QSOX1: variants seen among roughly 807,000 people sequenced by gnomAD.
The protein encoded by QSOX1 is quiescin sulfhydryl oxidase 1, also known as sulfhydryl oxidase 1.
In QSOX1, 40 loss-of-function variants were observed where a neutral mutation model predicts 76.1. The observed-to-expected ratio is 0.53, with a 90% CI of 0.41 to 0.68. The LOEUF (loss-of-function observed/expected upper bound fraction) is 0.68. QSOX1 is among the 30% of genes least tolerant of loss of function. The pLI is 0.00. For missense variants in QSOX1, 931 were observed against 974.3 expected (o/e 0.96, Z 0.59); for synonymous variants, 392 against 413.1 (o/e 0.95, Z 0.62).
chr1:180,175,489 C>T (rs1662867320), intron 3 of QSOX1, 123 bp downstream of exon 3: 3 of 1,018,400 alleles, frequency 2.9e-6, no homozygotes, highest in African/African-American at 1.6e-5. Flanking sequence ...AGGCGGTCCC[C>T]ACGGGAAGCC....
rs556418384 is a variant in QSOX1 at position 180,197,539 on chromosome 1, C to T, written c.*502C>T. On this transcript the variant is annotated 3_prime_UTR_variant, in exon 12 of 12. Transcript: ENST00000367602. ...TGCACCCTGGGAGGAAGGACCACCC[C>T]GGGCCCTCTATGCCTGGCCAGCCTC... 8.8e-5 allele frequency: 69 copies of T among 787,752 alleles called. 1 individual carries two copies. Among genetic ancestry groups the T allele is most frequent in the Admixed American group, 1.1e-4 (4 of 36,668 alleles). 48.8% of individuals were successfully genotyped at this position (787,752 alleles called of 1,614,324 possible).
rs187451486 is a variant in QSOX1 at position 180,188,621 on chromosome 1, C to T, written c.1018-931C>T. Among the ~76,000 whole-genome samples the T allele has an allele frequency of 2.6e-5, 4 of 152,332 alleles. No homozygotes were observed. In the East Asian group the frequency reaches 7.7e-4, roughly 29 times the overall value. ...TCTCACTCTGGGGGAAGGTGTCCAGCCCAACGTTTGATAGGAATATTTAAT... is the reference window on the plus strand; with the variant it reads ...TCTCACTCTGGGGGAAGGTGTCCAGTCCAACGTTTGATAGGAATATTTAAT... On this transcript the variant is annotated intron_variant, in intron 8 of 11. Coordinates refer to ENST00000367602, the MANE Select transcript of QSOX1 (RefSeq NM_002826.5).
At position 180,188,868 on chromosome 1, in the gene QSOX1, A is replaced by G. The variant is rs1663237820; in HGVS notation, c.1018-684A>G. ...CGCCCCTTGTGCTGTGCACGTGCAC[A>G]CACGCACACACACACACATACACAC... On this transcript the variant is annotated intron_variant, in intron 8 of 11. Coordinates refer to ENST00000367602, the MANE Select transcript of QSOX1 (RefSeq NM_002826.5). Among the ~76,000 whole-genome samples, 4 of 152,334 alleles carry G rather than the reference A, an allele frequency of 2.6e-5. No homozygotes were observed. The South Asian group carries it at 8.3e-4, about 32-fold the overall frequency.
intron 1 of QSOX1, among the ~76,000 whole-genome samples, chr1:180,162,107 A>G (rs1257710026): frequency 6.6e-6 from 1 of 152,234 alleles, no homozygotes; most frequent in African/African-American, 2.4e-5. Context: ...TGCTGTGCAT[A>G]CAACATTTTA....
At position 180,189,576 on chromosome 1, in the gene QSOX1, C is replaced by A. The variant is rs765745199; in HGVS notation, c.1042C>A (p.Gln348Lys). ...GTATTTCCCTGGCCGGCCCTTAGTC[C>A]AGAACTTCCTGCACTCCGTGAATGA... is the stretch of plus-strand genomic sequence containing the variant. Reference protein sequence around the residue: ...AKYFPGRPLVQNFLHSVNEWL... With the variant: ...AKYFPGRPLVKNFLHSVNEWL... Residue 348 changes from glutamine (Q) to lysine (K), a missense_variant, in exon 9 of 12, where the codon CAG (glutamine) becomes AAG (lysine). Transcript: ENST00000367602. 8.1e-6 allele frequency: 13 copies of A among 1,613,106 alleles called. No individual in the cohort carries two copies. The African/African-American group carries it at 1.7e-4, about 22-fold the overall frequency.
chr1:180,187,125 G>A (rs1240104282), intron 8 of QSOX1, among the ~76,000 whole-genome samples: 2 of 152,096 alleles, frequency 1.3e-5, no homozygotes, highest in Non-Finnish European at 2.9e-5. Flanking sequence ...CCTCTCCTTG[G>A]GAACTTCCTG....
At chr1:180,176,286 C>T (rs914999720) in intron 4 of QSOX1, among the ~76,000 whole-genome samples, 6 of 152,166 alleles carry the variant, frequency 3.9e-5, no homozygotes, top group African/African-American at 1.4e-4. Context: ...GTGCAAGGGT[C>T]CATCCCACCA....
intron 9 of QSOX1, 29 bp from the exon 10 acceptor site, chr1:180,190,404 A>G: frequency 6.2e-7 from 1 of 1,601,096 alleles, no homozygotes; most frequent in African/African-American, 1.3e-5. Context: ...CCTTCTCCAT[A>G]TGTGCACTCA....
At chr1:180,178,508 G>C (rs776161839) in intron 4 of QSOX1, among the ~76,000 whole-genome samples, 1 of 152,254 alleles carries the variant, frequency 6.6e-6, no homozygotes. Context: ...GATTACAGGC[G>C]TGAGCCACCG....
chr1:180,166,347 C>G (rs995418279), intron 1 of QSOX1, 144 bp from the exon 2 acceptor site: 2 of 642,370 alleles, frequency 3.1e-6, no homozygotes, highest in Non-Finnish European at 5.5e-6. Context: ...GGTCCTTTTC[C>G]AAGGAAGGTG....
chr1:180,193,425 G>T (rs938307461), intron 10 of QSOX1, among the ~76,000 whole-genome samples: 2 of 151,752 alleles, frequency 1.3e-5, no homozygotes, highest in African/African-American at 4.8e-5. Context: ...GTCTCACCTT[G>T]CCAGGAGTGA....
At chr1:180,188,906 C>A (rs1451443834) in intron 8 of QSOX1, among the ~76,000 whole-genome samples, 6 of 152,256 alleles carry the variant, frequency 3.9e-5, no homozygotes, top group Non-Finnish European at 7.3e-5. Flanking sequence ...ATGTCCTCCT[C>A]CCTGGAGTCC....
At position 180,198,357 on chromosome 1, in the gene QSOX1, T is replaced by C. The variant is rs1663558355; in HGVS notation, c.*1320T>C. 2.2e-6 allele frequency: 1 copy of C among 456,698 alleles called. No individual in the cohort carries two copies. Among genetic ancestry groups the C allele is most frequent in the South Asian group, 1.5e-5 (1 of 64,566 alleles). The allele number at this position is 456,698 out of a possible 1,614,324, so 28.3% of individuals were successfully genotyped here. ...GCTCCTCCAGGAAGCAAGGGCTTGTTTGTCAGAGCTGCAGGGTTGGCCACT... is the reference window on the plus strand; with the variant it reads ...GCTCCTCCAGGAAGCAAGGGCTTGTCTGTCAGAGCTGCAGGGTTGGCCACT... On this transcript the variant is annotated 3_prime_UTR_variant, in exon 12 of 12. Transcript: ENST00000367602.
At chr1:180,192,346 CATTTTG>C (rs1663340073) in intron 10 of QSOX1, among the ~76,000 whole-genome samples, 1 of 152,130 alleles carries the variant, frequency 6.6e-6, no homozygotes, top group Non-Finnish European at 1.5e-5. Flanking sequence ...TTGGTGTTGG[CATTTTG>C]AGAAGCCACT....
At chr1:180,194,949 G>A (rs776873161) in intron 11 of QSOX1, among the ~76,000 whole-genome samples, 7 of 150,250 alleles carry the variant, frequency 4.7e-5, no homozygotes, top group Non-Finnish European at 8.9e-5. Context: ...GACAGGAGGC[G>A]GTTTGTGTGT....
intron 1 of QSOX1, among the ~76,000 whole-genome samples, chr1:180,164,318 G>T (rs1157494767): frequency 6.6e-6 from 1 of 152,206 alleles, no homozygotes; most frequent in Non-Finnish European, 1.5e-5. Flanking sequence ...TGTTGAGGAG[G>T]TTGGGGAAAT....
chr1:180,167,975 T>C (rs1662670228), intron 2 of QSOX1, among the ~76,000 whole-genome samples: 1 of 152,196 alleles, frequency 6.6e-6, no homozygotes, highest in Non-Finnish European at 1.5e-5. Context: ...CACAGGCTGA[T>C]ATTTTTCTCC....
Position 180,166,590 on chromosome 1 carries a change from G to C in QSOX1, c.365G>C (p.Arg122Thr). The change falls in exon 2 of 12, where the codon AGG (arginine) becomes ACG (threonine). Residue 122 changes from arginine to threonine, a missense_variant and splice_region_variant. Transcript: ENST00000367602. ...DFNIPGFPTV[R>T]FFKAFTKNGS... is the part of the protein sequence containing the mutation. ...AACATCCCTGGCTTCCCGACTGTGA[G>C]GGTGTGTGACTGACAGGAGGGGAAG... The C allele has an allele frequency of 6.2e-7, 1 of 1,613,574 alleles. No individual in the cohort carries two copies. The highest frequency in any genetic ancestry group is 8.5e-7 in the Non-Finnish European group (1 of 1,179,642).
rs1048829543 is a variant in QSOX1, at chr1:180,162,459, G to A, written c.266-4032G>A. Among the ~76,000 whole-genome samples the A allele has an allele frequency of 1.2e-4, 18 of 152,064 alleles. 1 individual carries two copies. The highest frequency in any genetic ancestry group is 3.1e-4 in the African/African-American group (13 of 41,426). ...AAAATTAAAACACTTAATCAGCCTG[G>A]GCATGGTGGCTCATGACGGTAATCC... On this transcript the variant is annotated intron_variant, in intron 1 of 11. Transcript: ENST00000367602.
Sources: gnomAD v4.1 joint callset for allele counts (sites outside exome capture counted in the v4.1 genomes callset) on GRCh38, gnomAD v4.1.1 for gene constraint, MANE v1.5 for transcripts, NCBI Gene and HGNC (gene_info 2026-07-23, HGNC 2026-07-21) for gene names.